The following GULP1 variants were observed in gnomAD, a reference collection of about 807,000 sequenced individuals.
GULP1 encodes the protein GULP PTB domain containing engulfment adaptor 1.
Under a neutral mutation model 40.9 loss-of-function variants are expected in GULP1, and 19 were observed. The ratio of observed to expected loss-of-function variants is 0.46; its 90% confidence interval spans 0.32 to 0.68. GULP1 has a LOEUF of 0.68. GULP1 is among the 30% of genes least tolerant of loss of function. The pLI, the probability that GULP1 is intolerant of heterozygous loss-of-function variation, is 0.03. For synonymous variants in GULP1, 119 were observed against 117.6 expected (o/e 1.01, Z -0.08); for missense variants, 312 against 362.2 (o/e 0.86, Z 1.12).
chr2:188,321,906 T>G (rs956619928), intron 1 of GULP1, among the ~76,000 whole-genome samples: 5 of 152,016 alleles, frequency 3.3e-5, no homozygotes, highest in Non-Finnish European at 7.4e-5. Flanking sequence ...TCCCAGCTAC[T>G]TGGGAGGCTG....
At chr2:188,412,014 A>G (rs1359105249) in intron 2 of GULP1, among the ~76,000 whole-genome samples, 1 of 152,190 alleles carries the variant, frequency 6.6e-6, no homozygotes, top group East Asian at 1.9e-4. Flanking sequence ...GTGCAGGCTC[A>G]GGGAGAGAAG....
intron 2 of GULP1, among the ~76,000 whole-genome samples, chr2:188,406,804 A>C (rs933254129): frequency 6.6e-6 from 1 of 152,116 alleles, no homozygotes; most frequent in African/African-American, 2.4e-5. Context: ...AATTTAAAGA[A>C]TAAGAGAACA....
intron 4 of GULP1, among the ~76,000 whole-genome samples, chr2:188,485,837 A>G (rs2061819666): frequency 1.3e-5 from 2 of 152,096 alleles, no homozygotes; most frequent in Non-Finnish European, 1.5e-5. Flanking sequence ...TCAGGCAACC[A>G]TCAGTTCTGT....
chr2:188,305,607 A>T (rs1490306086), intron 1 of GULP1, among the ~76,000 whole-genome samples: 7 of 152,214 alleles, frequency 4.6e-5, no homozygotes, highest in African/African-American at 1.7e-4. Context: ...TATAACAAGG[A>T]CTATGAAAGT....
At chr2:188,369,092 C>A (rs1253839466) in intron 1 of GULP1, among the ~76,000 whole-genome samples, 1 of 150,442 alleles carries the variant, frequency 6.6e-6, no homozygotes, top group Admixed American at 6.6e-5. Context: ...TCCTGAGTAG[C>A]TGGAACTACA....
chr2:188,320,685 AGTAT>A (rs2039840752), intron 1 of GULP1, among the ~76,000 whole-genome samples: 1 of 152,150 alleles, frequency 6.6e-6, no homozygotes, highest in Admixed American at 6.6e-5. Context: ...ATAAAGTTTA[AGTAT>A]GTATGGATTT....
chr2:188,487,140 A>G (rs1438288970), intron 4 of GULP1, among the ~76,000 whole-genome samples: 1 of 152,040 alleles, frequency 6.6e-6, no homozygotes, highest in Non-Finnish European at 1.5e-5. Context: ...TAAAGATAAA[A>G]TGCTGGCAGA....
intron 2 of GULP1, among the ~76,000 whole-genome samples, chr2:188,412,850 T>C (rs935642506): frequency 5.3e-5 from 8 of 152,202 alleles, no homozygotes; most frequent in Non-Finnish European, 1.2e-4. Flanking sequence ...AAAACCCCAC[T>C]CTTTAGTGCC....
chr2:188,564,426 A>G (rs926140960), intron 7 of GULP1, among the ~76,000 whole-genome samples: 2 of 151,964 alleles, frequency 1.3e-5, no homozygotes, highest in Admixed American at 1.3e-4. Flanking sequence ...AATGTACAAA[A>G]TTAAATTGTG....
intron 6 of GULP1, among the ~76,000 whole-genome samples, chr2:188,531,933 C>T (rs941222258): frequency 5.3e-5 from 8 of 152,012 alleles, no homozygotes; most frequent in Non-Finnish European, 1.0e-4. Flanking sequence ...TATTTGTAGG[C>T]CATGCTTATG....
chr2:188,416,366 A>G (rs1040425081), intron 2 of GULP1, among the ~76,000 whole-genome samples: 1 of 152,154 alleles, frequency 6.6e-6, no homozygotes, highest in Non-Finnish European at 1.5e-5. Flanking sequence ...AAATCATTGA[A>G]TTGTACATTT....
intron 2 of GULP1, among the ~76,000 whole-genome samples, chr2:188,424,969 G>A (rs2055971511): frequency 6.6e-6 from 1 of 151,950 alleles, no homozygotes; most frequent in Admixed American, 6.6e-5. Context: ...TTTCATAGTG[G>A]TAATGTGTTC....
chr2:188,462,894 A>C (rs2059822191), intron 2 of GULP1, among the ~76,000 whole-genome samples: 2 of 152,132 alleles, frequency 1.3e-5, no homozygotes, highest in Admixed American at 6.5e-5. Context: ...AAGGAATTAA[A>C]ACTTATAAAG....
chr2:188,464,114 TG>T (rs1197167414), intron 2 of GULP1, among the ~76,000 whole-genome samples: 1 of 152,164 alleles, frequency 6.6e-6, no homozygotes, highest in African/African-American at 2.4e-5. Flanking sequence ...AGGTATTTAT[TG>T]TAGTCTCCAC....
chr2:188,332,691 C>A (rs1393871994), intron 1 of GULP1, among the ~76,000 whole-genome samples: 2 of 151,990 alleles, frequency 1.3e-5, no homozygotes, highest in Admixed American at 1.3e-4. Context: ...AAGTGAGGAT[C>A]AGTCTTATCC....
chr2:188,483,398 C>T (rs757470456), intron 3 of GULP1, 33 bp from the exon 4 acceptor site: 1 of 1,192,728 alleles, frequency 8.4e-7, no homozygotes, highest in Non-Finnish European at 1.2e-6. Context: ...CCATGGAAAC[C>T]TAAAATTTAA....
At chr2:188,368,812 A>G (rs950677615) in intron 1 of GULP1, among the ~76,000 whole-genome samples, 4 of 149,982 alleles carry the variant, frequency 2.7e-5, no homozygotes, top group African/African-American at 9.8e-5. Context: ...TGAAAACTAC[A>G]CTTTTTTCAG....
At chr2:188,372,530 T>C (rs895837967) in intron 1 of GULP1, among the ~76,000 whole-genome samples, 5 of 152,064 alleles carry the variant, frequency 3.3e-5, no homozygotes, top group African/African-American at 9.7e-5. Flanking sequence ...CTCATATTTG[T>C]ATTGTACTTA....
intron 10 of GULP1, among the ~76,000 whole-genome samples, chr2:188,586,115 G>C (rs1164243378): frequency 3.9e-5 from 6 of 152,064 alleles, no homozygotes; most frequent in Non-Finnish European, 8.8e-5. Context: ...CTAGGGCAGG[G>C]GTAAAACACT....
Sources: gnomAD v4.1 joint callset for allele counts (sites outside exome capture counted in the v4.1 genomes callset) on GRCh38, gnomAD v4.1.1 for gene constraint, MANE v1.5 for transcripts, NCBI Gene and HGNC (gene_info 2026-07-23, HGNC 2026-07-21) for gene names.